Variants in FBN2 observed in about 807,000 individuals in gnomAD.
The protein encoded by FBN2 is fibrillin 2, also known as fibrillin-2.
Under a neutral mutation model 355.6 loss-of-function variants are expected in FBN2, and 105 were observed. The observed-to-expected ratio is 0.30, with a 90% CI of 0.25 to 0.35. FBN2 has a LOEUF of 0.35. FBN2 is among the 10% of genes least tolerant of loss of function. FBN2 has a pLI of 1.00. For missense variants in FBN2, 3,280 were observed against 3,758.7 expected (o/e 0.87, Z 3.33); for synonymous variants, 1,350 against 1,301.2 (o/e 1.04, Z -0.81).
At chr5:128,513,075 G>A (rs1019621138) in intron 5 of FBN2, among the ~76,000 whole-genome samples, 2 of 152,198 alleles carry the variant, frequency 1.3e-5, no homozygotes, top group African/African-American at 4.8e-5. Context: ...GTAACACTTA[G>A]TGGAAGCTTA....
intron 5 of FBN2, among the ~76,000 whole-genome samples, chr5:128,512,206 A>G (rs756310111): frequency 6.6e-6 from 1 of 152,152 alleles, no homozygotes; most frequent in South Asian, 2.1e-4. Flanking sequence ...CCATTAGGAC[A>G]ATTTTATCTA....
At chr5:128,314,271 TCA>T (rs1750140502) in intron 36 of FBN2, among the ~76,000 whole-genome samples, 1 of 152,218 alleles carries the variant, frequency 6.6e-6, no homozygotes, top group Non-Finnish European at 1.5e-5. Context: ...ATCTCAGATC[TCA>T]GAGGCTGCAA....
chr5:128,374,539 T>C, intron 15 of FBN2, 89 bp downstream of exon 15: 3 of 1,539,170 alleles, frequency 1.9e-6, no homozygotes, highest in Non-Finnish European at 1.8e-6. Context: ...CTTCTTATGG[T>C]GAATATTACT....
intron 4 of FBN2, among the ~76,000 whole-genome samples, chr5:128,520,141 G>C (rs965238981): frequency 6.6e-6 from 1 of 152,104 alleles, no homozygotes; most frequent in African/African-American, 2.4e-5. Flanking sequence ...TTAGCCTTGT[G>C]ACCTGGGAGA....
intron 7 of FBN2, chr5:128,446,021 A>T (rs1227833618): frequency 6.5e-6 from 1 of 154,788 alleles, no homozygotes; most frequent in Non-Finnish European, 1.4e-5. Context: ...TAATCCATTT[A>T]AAAAAATTTG....
At chr5:128,526,158 G>A (rs1756554167) in intron 4 of FBN2, among the ~76,000 whole-genome samples, 1 of 151,660 alleles carries the variant, frequency 6.6e-6, no homozygotes, top group Admixed American at 6.6e-5. Context: ...TTAACTACAA[G>A]ACAAACTTGG....
chr5:128,487,597 T>A (rs897867703), intron 5 of FBN2, among the ~76,000 whole-genome samples: 1 of 152,214 alleles, frequency 6.6e-6, no homozygotes, highest in Non-Finnish European at 1.5e-5. Flanking sequence ...GGATTTTAAA[T>A]GTGGTTATGG....
intron 5 of FBN2, among the ~76,000 whole-genome samples, chr5:128,511,927 G>A (rs1756141023): frequency 6.6e-6 from 1 of 152,146 alleles, no homozygotes; most frequent in Non-Finnish European, 1.5e-5. Context: ...ATAATAACTT[G>A]TGTATAGGAA....
intron 55 of FBN2, among the ~76,000 whole-genome samples, chr5:128,284,882 A>G (rs2126814878): frequency 6.6e-6 from 1 of 152,294 alleles, no homozygotes; most frequent in African/African-American, 2.4e-5. Context: ...CTCTACAAAA[A>G]CACTCCATAC....
chr5:128,535,056 C>A (rs886707524), intron 2 of FBN2, among the ~76,000 whole-genome samples: 3 of 152,196 alleles, frequency 2.0e-5, no homozygotes, highest in Non-Finnish European at 4.4e-5. Flanking sequence ...TCCATTAATG[C>A]CTCACATATG....
chr5:128,407,126 AG>A (rs1055183348), intron 8 of FBN2, among the ~76,000 whole-genome samples: 3 of 152,124 alleles, frequency 2.0e-5, no homozygotes, highest in Non-Finnish European at 2.9e-5. Flanking sequence ...ATCTAGCCAC[AG>A]GATCTCCACA....
chr5:128,285,205 A>T (rs368565501), intron 55 of FBN2, among the ~76,000 whole-genome samples: 2 of 72,486 alleles, frequency 2.8e-5, no homozygotes, highest in African/African-American at 4.2e-5. Context: ...TTTTTTGGGT[A>T]AGTTTGATTC....
At chr5:128,374,934 GCTTTA>G (rs1332311011) in intron 14 of FBN2, among the ~76,000 whole-genome samples, 184 bp from the exon 15 acceptor site, 3 of 151,986 alleles carry the variant, frequency 2.0e-5, no homozygotes, top group Admixed American at 6.6e-5. Flanking sequence ...ATTTCAGAAT[GCTTTA>G]CTTTACCTAC....
chr5:128,453,816 C>CT (rs533450817), intron 6 of FBN2, among the ~76,000 whole-genome samples: 70 of 152,110 alleles, frequency 4.6e-4, no homozygotes, highest in Non-Finnish European at 8.4e-4. Context: ...CCTCCCCCAA[C>CT]TTTTTTTTCC....
chr5:128,382,458 G>C (rs1280690843), intron 11 of FBN2, among the ~76,000 whole-genome samples: 7 of 152,162 alleles, frequency 4.6e-5, no homozygotes, highest in Non-Finnish European at 7.4e-5. Flanking sequence ...CTGTTGTTCA[G>C]CTTGGGACAC....
rs77278401 is a variant in FBN2, at chr5:128,483,827, T to C, written c.629-18906A>G. 2.3e-3 allele frequency among the ~76,000 whole-genome samples: 345 copies of C among 152,302 alleles called. 2 individuals carry two copies. Among genetic ancestry groups the C allele is most frequent in the African/African-American group, 7.8e-3 (325 of 41,568 alleles). On this transcript the variant is annotated intron_variant, in intron 5 of 64. Coordinates refer to ENST00000262464, the MANE Select transcript of FBN2 (RefSeq NM_001999.4). Reference sequence around the variant, plus strand: ...ATAATAGCTGGAAAAAATGTTAAAGTATATAGCAATTCTCTTCAAAAGCAT... The same window carrying C: ...ATAATAGCTGGAAAAAATGTTAAAGCATATAGCAATTCTCTTCAAAAGCAT...
chr5:128,434,389 A>AGT lies in FBN2; in HGVS notation c.952+12090_952+12091dup, dbSNP rs1244965143. On this transcript the variant is annotated intron_variant, in intron 7 of 64. Transcript: ENST00000262464. ...TTTTTCAATGCCTGGCAGTGAATAA[A>AGT]GTGTGTATATATATATATATATATA... Among the ~76,000 whole-genome samples the AGT allele has an allele frequency of 5.6e-3, 300 of 53,636 alleles. 2 individuals are homozygous for AGT. Among genetic ancestry groups the AGT allele is most frequent in the African/African-American group, 0.031 (215 of 6,874 alleles). 35.2% of individuals were successfully genotyped at this position (53,636 alleles called of 152,430 possible). A position where few individuals can be genotyped will look rare whatever the true frequency, so the allele number is the denominator to read the frequency against.
chr5:128,320,138 A>C (rs1484065945), intron 34 of FBN2, among the ~76,000 whole-genome samples: 1 of 152,200 alleles, frequency 6.6e-6, no homozygotes, highest in Non-Finnish European at 1.5e-5. Context: ...TAAATGAGTA[A>C]AAACTCTTTA....
At chr5:128,364,209 G>C (rs2126940115) in intron 18 of FBN2, among the ~76,000 whole-genome samples, 1 of 152,108 alleles carries the variant, frequency 6.6e-6, no homozygotes, top group East Asian at 1.9e-4. Flanking sequence ...TGTGGCAACT[G>C]GTTGTTTCTT....
Sources: gnomAD v4.1 joint callset for allele counts (sites outside exome capture counted in the v4.1 genomes callset) on GRCh38, gnomAD v4.1.1 for gene constraint, MANE v1.5 for transcripts, NCBI Gene and HGNC (gene_info 2026-07-23, HGNC 2026-07-21) for gene names.